The following ANKDD1B variants were observed in gnomAD, a reference collection of about 807,000 sequenced individuals.
The protein encoded by ANKDD1B is ankyrin repeat and death domain-containing protein 1B.
ANKDD1B carries 57 observed loss-of-function variants against 59.7 expected under a neutral mutation model. That is an observed-to-expected ratio of 0.95 (90% CI 0.77 to 1.19). The LOEUF is 1.19. Among genes scored for constraint, ANKDD1B ranks in the 50% most tolerant of loss-of-function variants. ANKDD1B has a pLI of 0.00. For synonymous variants in ANKDD1B, 216 were observed against 239.5 expected (o/e 0.90, Z 0.91); for missense variants, 602 against 641.9 (o/e 0.94, Z 0.67).
At chr5:75,624,498 C>T (rs1773936270) in intron 3 of ANKDD1B, among the ~76,000 whole-genome samples, 1 of 152,204 alleles carries the variant, frequency 6.6e-6, no homozygotes, top group African/African-American at 2.4e-5. Context: ...CCCACAGCAT[C>T]CCTACAGGTC....
At chr5:75,639,189 C>CTGTT (rs1296898604) in intron 7 of ANKDD1B, among the ~76,000 whole-genome samples, 7 of 152,004 alleles carry the variant, frequency 4.6e-5, no homozygotes, top group Non-Finnish European at 8.8e-5. Flanking sequence ...AATGCCTTTT[C>CTGTT]TGTTTGTTTG....
chr5:75,652,420 G>A (rs7734430), intron 7 of ANKDD1B, among the ~76,000 whole-genome samples: 1,842 of 152,098 alleles, frequency 0.012, 37 homozygotes, highest in African/African-American at 0.042. Context: ...CCTTCACCCC[G>A]GTAATTAAAA....
intron 5 of ANKDD1B, among the ~76,000 whole-genome samples, chr5:75,627,658 A>G (rs540948079): frequency 6.6e-6 from 1 of 152,376 alleles, no homozygotes; most frequent in East Asian, 1.9e-4. Context: ...GGTGTGGCCA[A>G]TGAATGAATT....
At chr5:75,657,630 C>T (rs545428139) in intron 9 of ANKDD1B, among the ~76,000 whole-genome samples, 65 of 152,102 alleles carry the variant, frequency 4.3e-4, no homozygotes, top group African/African-American at 1.2e-3. Flanking sequence ...TTTTTGGGGC[C>T]GGGCGTGGTG....
chr5:75,656,495 G>A (rs1308053940), intron 9 of ANKDD1B, among the ~76,000 whole-genome samples: 2 of 152,190 alleles, frequency 1.3e-5, no homozygotes, highest in Admixed American at 6.5e-5. Context: ...CCACAAGAAG[G>A]AAGCTTTGTT....
intron 2 of ANKDD1B, among the ~76,000 whole-genome samples, chr5:75,618,932 T>TA (rs1773780887): frequency 6.6e-6 from 1 of 152,076 alleles, no homozygotes; most frequent in Admixed American, 6.6e-5. Context: ...TTTTAGTAGT[T>TA]ACAGGGTTTC....
rs1774258083 is a variant in ANKDD1B, at chr5:75,634,904, A to G, written c.607A>G (p.Arg203Gly). ...KDLNQPDEKG[R>G]KPFLLAAERG... ...GTTTGTGATTGATTTTTAGAAAGGA[A>G]GAAAACCATTTCTTTTGGCAGCTGA... Residue 203 changes from arginine (R) to glycine (G), a missense_variant, in exon 6 of 14, where the codon AGA (arginine) becomes GGA (glycine). Physicochemically the swap from Arg to Gly is moderately radical, Grantham distance 125 (BLOSUM62 -2). This residue lies in a region of ANKDD1B where 317 missense variants were observed against 304.6 expected (regional missense o/e 1.04). Coordinates refer to ENST00000601380, the MANE Select transcript of ANKDD1B (RefSeq NM_001276713.2). 3.9e-6 allele frequency: 6 copies of G among 1,531,498 alleles called. No individual in the cohort carries two copies. The highest frequency in any genetic ancestry group is 1.2e-5 in the South Asian group (1 of 83,948). The allele number at this position is 1,531,498 out of a possible 1,614,324, so 94.9% of individuals were successfully genotyped here.
intron 3 of ANKDD1B, among the ~76,000 whole-genome samples, chr5:75,623,354 C>T (rs564832115): frequency 3.9e-5 from 6 of 152,218 alleles, no homozygotes; most frequent in South Asian, 2.1e-4. Flanking sequence ...CAGGAGCCAC[C>T]GTGCCTGGCC....
At chr5:75,666,728 C>A in intron 11 of ANKDD1B, 64 bp from the exon 12 acceptor site, 1 of 1,222,106 alleles carries the variant, frequency 8.2e-7, no homozygotes, top group Non-Finnish European at 1.2e-6. Flanking sequence ...AACATATATA[C>A]TCTGAAATAA....
intron 7 of ANKDD1B, among the ~76,000 whole-genome samples, chr5:75,648,270 A>AAAAAAAAAAAT (rs534295373): frequency 3.4e-5 from 3 of 88,112 alleles, no homozygotes; most frequent in African/African-American, 8.0e-5. Context: ...AAAAAATTAA[A>AAAAAAAAAAAT]AAAAAAAAAA....
chr5:75,656,617 C>G (rs1040192511), intron 9 of ANKDD1B, among the ~76,000 whole-genome samples: 1 of 152,174 alleles, frequency 6.6e-6, no homozygotes, highest in Non-Finnish European at 1.5e-5. Flanking sequence ...AATCAAATGA[C>G]TCGTTAAAGT....
chr5:75,613,235 G>T (rs549907630), intron 1 of ANKDD1B, among the ~76,000 whole-genome samples: 2 of 152,280 alleles, frequency 1.3e-5, no homozygotes, highest in Non-Finnish European at 2.9e-5. Flanking sequence ...ATGGAAAGTT[G>T]AAAAATGCAG....
intron 5 of ANKDD1B, among the ~76,000 whole-genome samples, chr5:75,628,687 C>T (rs1371994356): frequency 6.6e-6 from 1 of 152,006 alleles, no homozygotes; most frequent in African/African-American, 2.4e-5. Flanking sequence ...GGAAGGAGGC[C>T]CTTAAAACAA....
intron 10 of ANKDD1B, among the ~76,000 whole-genome samples, chr5:75,659,880 T>G (rs1561449583): frequency 6.6e-6 from 1 of 152,196 alleles, no homozygotes; most frequent in Non-Finnish European, 1.5e-5. Flanking sequence ...ATTTAGCTTT[T>G]TTAGCATTAT....
chr5:75,669,188 G>C, intron 12 of ANKDD1B, 64 bp from the exon 13 acceptor site: 3 of 1,228,470 alleles, frequency 2.4e-6, no homozygotes, highest in Non-Finnish European at 3.0e-6. Flanking sequence ...TTGGAACTGA[G>C]ATCACAATGG....
intron 11 of ANKDD1B, among the ~76,000 whole-genome samples, chr5:75,665,205 A>G (rs1223409399): frequency 3.3e-5 from 5 of 152,212 alleles, no homozygotes; most frequent in African/African-American, 4.8e-5. Context: ...CAGGCAAGCT[A>G]TTTAATGCTT....
intron 11 of ANKDD1B, 88 bp downstream of exon 11, chr5:75,663,577 T>G: frequency 9.5e-7 from 1 of 1,056,702 alleles, no homozygotes; most frequent in Non-Finnish European, 1.4e-6. Flanking sequence ...GTGCCATTCT[T>G]TGCTCTAATG....
intron 7 of ANKDD1B, among the ~76,000 whole-genome samples, chr5:75,650,847 A>C (rs147161515): frequency 3.3e-5 from 5 of 152,202 alleles, no homozygotes; most frequent in African/African-American, 1.2e-4. Context: ...GAGGATTCTT[A>C]GTTTGAGTTT....
intron 6 of ANKDD1B, 145 bp downstream of exon 6, chr5:75,635,141 A>T (rs2112978612): frequency 1.7e-6 from 1 of 590,616 alleles, no homozygotes; most frequent in Non-Finnish European, 3.0e-6. Context: ...AGAGAGAATC[A>T]TGAACTATCC....
Sources: gnomAD v4.1 joint callset for allele counts (sites outside exome capture counted in the v4.1 genomes callset) on GRCh38, gnomAD v4.1.1 for gene constraint, gnomAD v4.1.1 regional missense constraint, MANE v1.5 for transcripts, NCBI Gene and HGNC (gene_info 2026-07-23, HGNC 2026-07-21) for gene names.